The following DRAM2 variants were observed in gnomAD, a reference collection of about 807,000 sequenced individuals.
DRAM2 encodes the protein DNA damage-regulated autophagy modulator protein 2.
Under a neutral mutation model 33.5 loss-of-function variants are expected in DRAM2, and 26 were observed. The observed-to-expected ratio is 0.78, with a 90% CI of 0.57 to 1.08. The LOEUF (loss-of-function observed/expected upper bound fraction) is 1.08. DRAM2 is among the 50% of genes least tolerant of loss of function. The pLI, the probability that DRAM2 is intolerant of heterozygous loss-of-function variation, is 0.00. For missense variants in DRAM2, 311 were observed against 318.1 expected, an observed-to-expected ratio of 0.98 and a Z score of 0.17; for synonymous variants, 98 against 109.5, an observed-to-expected ratio of 0.89 and a Z score of 0.66.
intron 4 of DRAM2, among the ~76,000 whole-genome samples, chr1:111,130,984 C>T (rs1271768943): frequency 6.6e-6 from 1 of 152,048 alleles, no homozygotes; most frequent in Non-Finnish European, 1.5e-5. Flanking sequence ...TGCACTCCAG[C>T]CTGGGTGACA....
intron 2 of DRAM2, among the ~76,000 whole-genome samples, chr1:111,138,144 C>G (rs923033787): frequency 3.9e-5 from 6 of 152,198 alleles, no homozygotes; most frequent in South Asian, 4.1e-4. Context: ...CATAAGGCCA[C>G]AGGTATGGAG....
chr1:111,127,147 C>T lies in DRAM2; in HGVS notation c.132-853G>A, dbSNP rs574956229. 9.9e-5 allele frequency among the ~76,000 whole-genome samples: 15 copies of T among 152,284 alleles called. No individual in the cohort carries two copies. In the South Asian group the frequency reaches 3.1e-3, roughly 32 times the overall value. ...GTAAGGATGAAATGTAATGGTAATGCATGTTAAGTATCTAGCACAGTAGCA... is the reference window on the plus strand; with the variant it reads ...GTAAGGATGAAATGTAATGGTAATGTATGTTAAGTATCTAGCACAGTAGCA... On this transcript the variant is annotated intron_variant, in intron 4 of 9. Coordinates refer to ENST00000484310, the MANE Select transcript of DRAM2 (RefSeq NM_001349884.2).
chr1:111,117,665 A>T lies in DRAM2; in HGVS notation c.*495T>A, dbSNP rs1381825762. On this transcript the variant is annotated 3_prime_UTR_variant, in exon 10 of 10. Transcript: ENST00000484310. ...TCCTTTACAGGTAGATTCCAGAACA[A>T]CAACAAAAAATGTAAGACTACAAGA... is the stretch of plus-strand genomic sequence containing the variant. 6.4e-6 allele frequency: 1 copy of T among 156,068 alleles called. No individual in the cohort carries two copies. The highest frequency in any genetic ancestry group is 2.4e-5 in the African/African-American group (1 of 41,468). The allele number at this position is 156,068 out of a possible 1,614,324, so 9.7% of individuals were successfully genotyped here.
intron 4 of DRAM2, among the ~76,000 whole-genome samples, chr1:111,130,840 CAAA>C (rs11296565): frequency 1.4e-5 from 2 of 140,392 alleles, no homozygotes. Context: ...ACTAAAAATG[CAAA>C]AAAAAAAAAA....
intron 2 of DRAM2, chr1:111,139,152 T>A (rs1653938406): frequency 6.6e-6 from 1 of 152,258 alleles, no homozygotes; most frequent in Non-Finnish European, 1.5e-5. Flanking sequence ...TAAGTTTTTT[T>A]ATAAGCTGCA....
chr1:111,135,611 T>C (rs1293830614), intron 3 of DRAM2, among the ~76,000 whole-genome samples: 2 of 152,226 alleles, frequency 1.3e-5, no homozygotes, highest in Non-Finnish European at 1.5e-5. Flanking sequence ...TCCTCCCCCT[T>C]TGTTTTACAT....
chr1:111,137,774 A>AT (rs35164616), intron 2 of DRAM2, among the ~76,000 whole-genome samples, 188 bp from the exon 3 acceptor site: 32,236 of 152,144 alleles, frequency 0.21, 4,024 homozygotes, highest in South Asian at 0.37. Context: ...ACCATCTGGA[A>AT]TTAAATAATG....
In DRAM2 at chr1:111,117,479, C is replaced by G. The variant is rs1012651116; in HGVS notation, c.*681G>C. 6.6e-6 allele frequency: 1 copy of G among 151,906 alleles called. No homozygotes were observed. The highest frequency in any genetic ancestry group is 2.4e-5 in the African/African-American group (1 of 41,352). The allele number at this position is 151,906 out of a possible 1,614,324, so 9.4% of individuals were successfully genotyped here. ...TCCTTCATTGGTGATTAAAATTTCA[C>G]GCCAGAGACTAAACTTCATGAAACT... On this transcript the variant is annotated 3_prime_UTR_variant, in exon 10 of 10. Coordinates refer to ENST00000484310, the MANE Select transcript of DRAM2 (RefSeq NM_001349884.2).
intron 3 of DRAM2, among the ~76,000 whole-genome samples, chr1:111,132,362 A>G (rs895726011): frequency 3.3e-5 from 5 of 152,198 alleles, no homozygotes; most frequent in South Asian, 2.1e-4. Flanking sequence ...GAGTTCTGTG[A>G]GCCACTCTAG....
rs111658187 is a variant in DRAM2 at position 111,136,458 on chromosome 1, G to A, written c.-15+1065C>T. 6.2e-3 allele frequency among the ~76,000 whole-genome samples: 950 copies of A among 152,018 alleles called. 6 individuals carry two copies. Among genetic ancestry groups the A allele is most frequent in the Middle Eastern group, 0.017 (5 of 292 alleles). ...CGTGCGCCTGTAATTCCAGCTACTC[G>A]GGAGGTTGAAGTAGGAGAATGGAGG... is the stretch of plus-strand genomic sequence containing the variant. On this transcript the variant is annotated intron_variant, in intron 3 of 9. Transcript: ENST00000484310.
chr1:111,120,381 CAAAAAAAAAAAAAAAAAAAAAAAAAAA>C (rs200318036), intron 7 of DRAM2, 108 bp downstream of exon 7: 7 of 173,180 alleles, frequency 4.0e-5, no homozygotes, highest in Admixed American at 1.3e-4. Flanking sequence ...ATCTCTCCTA[CAAAAAAAAAAAAAAAAAAAAAAAAAAA>C]AAAAAAAAAA....
chr1:111,137,862 TATC>T (rs1653562402), intron 2 of DRAM2, among the ~76,000 whole-genome samples: 1 of 152,162 alleles, frequency 6.6e-6, no homozygotes, highest in Non-Finnish European at 1.5e-5. Context: ...AAAAAAGAAA[TATC>T]ATTGCGTCTT....
chr1:111,126,492 T>C (rs1158313593), intron 4 of DRAM2, among the ~76,000 whole-genome samples, 198 bp from the exon 5 acceptor site: 1 of 151,968 alleles, frequency 6.6e-6, no homozygotes, highest in Non-Finnish European at 1.5e-5. Flanking sequence ...TTTACTCACA[T>C]CATTTTAAGA....
At chr1:111,127,631 T>A (rs1324035377) in intron 4 of DRAM2, among the ~76,000 whole-genome samples, 1 of 152,222 alleles carries the variant, frequency 6.6e-6, no homozygotes, top group Non-Finnish European at 1.5e-5. Context: ...ACTTTTCAAA[T>A]TTTCCACAAT....
chr1:111,138,947 T>C (rs1245186589), intron 2 of DRAM2: 1 of 152,232 alleles, frequency 6.6e-6, no homozygotes, highest in East Asian at 1.9e-4. Flanking sequence ...TGGTGAATGC[T>C]AAGAAATAAG....
Position 111,118,081 on chromosome 1 carries a change from GAGA to G in DRAM2, c.*76_*78del, listed in dbSNP as rs1167709310. The G allele has an allele frequency of 6.0e-5, 82 of 1,373,874 alleles. No individual in the cohort carries two copies. Among genetic ancestry groups the G allele is most frequent in the Admixed American group, 8.5e-5 (5 of 58,794 alleles). The allele number at this position is 1,373,874 out of a possible 1,614,324, so 85.1% of individuals were successfully genotyped here. ...CTTGATTAAGTGGTTGAAAATTTCA[GAGA>G]AGAATAAGCAACTTCTGTGAACCTT... On this transcript the variant is annotated 3_prime_UTR_variant, in exon 10 of 10. Coordinates refer to ENST00000484310, the MANE Select transcript of DRAM2 (RefSeq NM_001349884.2).
chr1:111,124,982 A>G (rs559554623), intron 5 of DRAM2, 101 bp from the exon 6 acceptor site: 2 of 971,278 alleles, frequency 2.1e-6, no homozygotes, highest in East Asian at 2.8e-5. Flanking sequence ...AGAATCACAG[A>G]TTTTCCTTTT....
chr1:111,136,143 C>T (rs1340103922), intron 3 of DRAM2, among the ~76,000 whole-genome samples: 1 of 152,204 alleles, frequency 6.6e-6, no homozygotes, highest in Non-Finnish European at 1.5e-5. Context: ...TTCCCCTTCA[C>T]CCATTCCACC....
chr1:111,133,472 C>T (rs1190806507), intron 3 of DRAM2, among the ~76,000 whole-genome samples: 1 of 152,170 alleles, frequency 6.6e-6, no homozygotes, highest in Non-Finnish European at 1.5e-5. Context: ...GCTACCATGC[C>T]CGGTCTGTCT....
Sources: gnomAD v4.1 joint callset for allele counts (sites outside exome capture counted in the v4.1 genomes callset) on GRCh38, gnomAD v4.1.1 for gene constraint, MANE v1.5 for transcripts, NCBI Gene and HGNC (gene_info 2026-07-23, HGNC 2026-07-21) for gene names.